SLC51A: variants seen among roughly 807,000 people sequenced by gnomAD.
The protein encoded by SLC51A is organic solute transporter subunit alpha.
SLC51A carries 22 observed loss-of-function variants against 34.8 expected under a neutral mutation model. The observed-to-expected ratio is 0.63, with a 90% CI of 0.45 to 0.90. SLC51A has a LOEUF of 0.90. Ranked by LOEUF, SLC51A falls within the 40% of genes least tolerant of loss-of-function variation. The probability of loss-of-function intolerance (pLI) is 0.00; values close to 1 mark genes in which losing one functional copy is unlikely to be tolerated. For missense variants in SLC51A, 371 were observed against 414.8 expected (o/e 0.89, Z 0.92); for synonymous variants, 181 against 176.3 (o/e 1.03, Z -0.21).
rs944590154 is a variant in SLC51A at position 196,230,018 on chromosome 3, A to G, written c.737A>G (p.His246Arg). Residue 246 changes from histidine (H) to arginine (R), a missense_variant, in exon 7 of 9, where the codon CAC becomes CGC. His to Arg is a conservative substitution (Grantham distance 29). Coordinates refer to ENST00000296327, the MANE Select transcript of SLC51A (RefSeq NM_152672.6). Reference sequence around the variant, plus strand: ...ATCATTTCCCGTCAAGCCAGGCTACACCTGGGTGAGCAGAACATGGGAGCC... The same window carrying G: ...ATCATTTCCCGTCAAGCCAGGCTACGCCTGGGTGAGCAGAACATGGGAGCC... ...LGIISRQARL[H>R]LGEQNMGAKF... The G allele has an allele frequency of 1.9e-6, 3 of 1,613,848 alleles. No individual in the cohort carries two copies. Among genetic ancestry groups the G allele is most frequent in the Non-Finnish European group, 2.5e-6 (3 of 1,179,846 alleles).
Position 196,216,620 on chromosome 3 carries a change from C to A in SLC51A, c.-93C>A. On this transcript the variant is annotated 5_prime_UTR_variant, in exon 1 of 9. Coordinates refer to ENST00000296327, the MANE Select transcript of SLC51A (RefSeq NM_152672.6). This position sits in a 1 kb window ranked among gnomAD's most constrained non-coding sequence, Gnocchi z 4.5. ...ATTCTGCTTGCCCCCCACCCCGGCC[C>A]AGGCAAGCCACCCTGCCCCCGGCCC... 1 of 1,339,410 alleles carries A rather than the reference C, an allele frequency of 7.5e-7. No homozygotes were observed. Among genetic ancestry groups the A allele is most frequent in the Non-Finnish European group, 1.0e-6 (1 of 959,772 alleles). The allele number at this position is 1,339,410 out of a possible 1,614,324, so 83.0% of individuals were successfully genotyped here. A position where few individuals can be genotyped will look rare whatever the true frequency, so the allele number is the denominator to read the frequency against.
intron 2 of SLC51A, among the ~76,000 whole-genome samples, chr3:196,222,336 AG>A (rs2108754087): frequency 6.6e-6 from 1 of 152,252 alleles, no homozygotes; most frequent in East Asian, 1.9e-4. Context: ...AGAGTTCTGT[AG>A]GAAGTTAAGT....
At chr3:196,221,378 C>T (rs1336758256) in intron 2 of SLC51A, among the ~76,000 whole-genome samples, 1 of 151,978 alleles carries the variant, frequency 6.6e-6, no homozygotes, top group Non-Finnish European at 1.5e-5. Flanking sequence ...GTGATCCTCC[C>T]ACCTCATCCT....
At chr3:196,224,240 A>C (rs1159995281) in intron 2 of SLC51A, among the ~76,000 whole-genome samples, 2 of 151,900 alleles carry the variant, frequency 1.3e-5, no homozygotes, top group African/African-American at 4.8e-5. Flanking sequence ...AGCATGATAC[A>C]AAATAAATTT....
intron 3 of SLC51A, 90 bp downstream of exon 3, chr3:196,227,209 G>A: frequency 7.0e-7 from 1 of 1,433,100 alleles, no homozygotes; most frequent in Non-Finnish European, 9.5e-7. Context: ...CGTCACTTCG[G>A]CAAAGAGTGT....
chr3:196,227,312 C>A, intron 3 of SLC51A, 193 bp downstream of exon 3: 1 of 627,686 alleles, frequency 1.6e-6, no homozygotes, highest in Non-Finnish European at 2.8e-6. Flanking sequence ...TGTTTGCATT[C>A]TAAGGGCTGC....
rs1577347088 is a variant in SLC51A at position 196,227,270 on chromosome 3, A to G, written c.288+151A>G. 4.1e-6 allele frequency: 3 copies of G among 735,118 alleles called. No homozygotes were observed. In the East Asian group the frequency reaches 8.1e-5, roughly 20 times the overall value. The allele number at this position is 735,118 out of a possible 1,614,324, so 45.5% of individuals were successfully genotyped here. ...GGTTTGCAGGCCGACCTCCCCTTGC[A>G]GTTAGGATCCTCTGCTTGGAAGGCT... On this transcript the variant is annotated intron_variant, in intron 3 of 8. Coordinates refer to ENST00000296327, the MANE Select transcript of SLC51A (RefSeq NM_152672.6).
chr3:196,217,764 G>C, intron 1 of SLC51A, 78 bp from the exon 2 acceptor site: 1 of 1,154,360 alleles, frequency 8.7e-7, no homozygotes, highest in South Asian at 1.3e-5. Context: ...GCACTCAGGA[G>C]TGGTTGAGGG....
At position 196,228,597 on chromosome 3, in the gene SLC51A, A is replaced by T; in HGVS notation, c.522-212A>T. On this transcript the variant is annotated intron_variant, in intron 5 of 8. Transcript: ENST00000296327. This position sits in a 1 kb window ranked among gnomAD's most constrained non-coding sequence, Gnocchi z 4.9. Reference sequence around the variant, plus strand: ...GTCACACTCCCAGACCTCGCTCCAAAGACGGAATTCTTGTCTGGAGGTGAG... The same window carrying T: ...GTCACACTCCCAGACCTCGCTCCAATGACGGAATTCTTGTCTGGAGGTGAG... 1 of 610,574 alleles carries T rather than the reference A, an allele frequency of 1.6e-6. No individual in the cohort carries two copies. The highest frequency in any genetic ancestry group is 2.9e-6 in the Non-Finnish European group (1 of 344,570). The allele number at this position is 610,574 out of a possible 1,614,324, so 37.8% of individuals were successfully genotyped here.
chr3:196,217,660 G>A (rs13064065), intron 1 of SLC51A, among the ~76,000 whole-genome samples, 182 bp from the exon 2 acceptor site: 46,636 of 150,660 alleles, frequency 0.31, 7,711 homozygotes, highest in East Asian at 0.47. Context: ...GAAGGGGAAG[G>A]GAGAGAGAAA....
In SLC51A at chr3:196,216,749, A is replaced by G; in HGVS notation, c.37A>G (p.Arg13Gly). Residue 13 changes from arginine (R) to glycine (G), a missense_variant and splice_region_variant, in exon 1 of 9, where the codon AGG (arginine) becomes GGG (glycine). Arg to Gly is a moderately radical substitution (Grantham distance 125, BLOSUM62 -2). Transcript: ENST00000296327. The surrounding 1 kb of genome is among the most constrained non-coding windows in gnomAD (Gnocchi z 4.5). The stretch of plus-strand genomic sequence containing the variant: ...CAGGACCCAGATAAAGCTTGACCCC[A>G]GGTAAGTGAGGGCGGCGGGCCCTGG... ...PGRTQIKLDPRYTADLLEVLK... is the reference protein window; with the variant it reads ...PGRTQIKLDPGYTADLLEVLK... The G allele has an allele frequency of 6.3e-7, 1 of 1,575,496 alleles. No individual in the cohort carries two copies. Among genetic ancestry groups the G allele is most frequent in the Non-Finnish European group, 8.6e-7 (1 of 1,160,374 alleles).
In SLC51A at chr3:196,216,925, G is replaced by A. The variant is rs1723597639; in HGVS notation, c.38+175G>A. ...GGACAACGTGGGTTTGGGCCAGGGT[G>A]TGACACTCCAGGGCCTCGGCCTTGC... On this transcript the variant is annotated intron_variant, in intron 1 of 8. Coordinates refer to ENST00000296327, the MANE Select transcript of SLC51A (RefSeq NM_152672.6). This position sits in a 1 kb window ranked among gnomAD's most constrained non-coding sequence, Gnocchi z 4.5. Among the ~76,000 whole-genome samples, 1 of 152,222 alleles carries A rather than the reference G, an allele frequency of 6.6e-6. No homozygotes were observed. Among genetic ancestry groups the A allele is most frequent in the African/African-American group, 2.4e-5 (1 of 41,452 alleles).
In SLC51A at chr3:196,216,640, C is replaced by G; in HGVS notation, c.-73C>G. 5 of 1,493,796 alleles carry G rather than the reference C, an allele frequency of 3.3e-6. No homozygotes were observed. Among genetic ancestry groups the G allele is most frequent in the Non-Finnish European group, 4.6e-6 (5 of 1,098,480 alleles). The allele number at this position is 1,493,796 out of a possible 1,614,324, so 92.5% of individuals were successfully genotyped here. A position where few individuals can be genotyped will look rare whatever the true frequency, so the allele number is the denominator to read the frequency against. ...CGGCCCAGGCAAGCCACCCTGCCCCCGGCCCCCACCTGCCCGCCCCGCCTG... is the reference window on the plus strand; with the variant it reads ...CGGCCCAGGCAAGCCACCCTGCCCCGGGCCCCCACCTGCCCGCCCCGCCTG... On this transcript the variant is annotated 5_prime_UTR_variant, in exon 1 of 9. Transcript: ENST00000296327. This position sits in a 1 kb window ranked among gnomAD's most constrained non-coding sequence, Gnocchi z 4.5.
chr3:196,225,857 G>A (rs555766943), intron 2 of SLC51A: 3 of 152,236 alleles, frequency 2.0e-5, no homozygotes, highest in Non-Finnish European at 4.4e-5. Flanking sequence ...GCACATGTCT[G>A]AACGTAGGGC....
chr3:196,223,875 T>C (rs1331167734), intron 2 of SLC51A: 2 of 373,318 alleles, frequency 5.4e-6, no homozygotes, highest in African/African-American at 2.5e-5. Context: ...TTTTTTTTTT[T>C]TTCAGACAGA....
rs113506943 is a variant in SLC51A at position 196,216,807 on chromosome 3, G to T, written c.38+57G>T. On this transcript the variant is annotated intron_variant, in intron 1 of 8. Coordinates refer to ENST00000296327, the MANE Select transcript of SLC51A (RefSeq NM_152672.6). This position sits in a 1 kb window ranked among gnomAD's most constrained non-coding sequence, Gnocchi z 4.5. Reference sequence around the variant, plus strand: ...GCTGGGCAGCGGTGGCCCCTATCCCGCGGCCTGTCCTCTCTCCCTCCCAGA... The same window carrying T: ...GCTGGGCAGCGGTGGCCCCTATCCCTCGGCCTGTCCTCTCTCCCTCCCAGA... 4 of 1,517,126 alleles carry T rather than the reference G, an allele frequency of 2.6e-6. No homozygotes were observed. Among genetic ancestry groups the T allele is most frequent in the African/African-American group, 1.4e-5 (1 of 72,362 alleles). The allele number at this position is 1,517,126 out of a possible 1,614,324, so 94.0% of individuals were successfully genotyped here. A position where few individuals can be genotyped will look rare whatever the true frequency, so the allele number is the denominator to read the frequency against.
At position 196,228,924 on chromosome 3, in the gene SLC51A, A is replaced by T. The variant is rs1368920658; in HGVS notation, c.633+4A>T. 6 of 1,608,422 alleles carry T rather than the reference A, an allele frequency of 3.7e-6. No homozygotes were observed. The East Asian group carries it at 1.3e-4, about 36-fold the overall frequency. On this transcript the variant is annotated splice_donor_region_variant and intron_variant, in intron 6 of 8. Coordinates refer to ENST00000296327, the MANE Select transcript of SLC51A (RefSeq NM_152672.6). The surrounding 1 kb of genome is among the most constrained non-coding windows in gnomAD (Gnocchi z 4.9). ...CGGCATCTATGACCCAGCAGACGTA[A>T]GCCGGGAGTAAGGGACAGCACAGTC... is the stretch of plus-strand genomic sequence containing the variant.
At position 196,216,612 on chromosome 3, in the gene SLC51A, C is replaced by G; in HGVS notation, c.-101C>G. 8.2e-7 allele frequency: 1 copy of G among 1,213,206 alleles called. No homozygotes were observed. The highest frequency in any genetic ancestry group is 1.2e-6 in the Non-Finnish European group (1 of 846,384). 75.2% of individuals were successfully genotyped at this position (1,213,206 alleles called of 1,614,324 possible). A position where few individuals can be genotyped will look rare whatever the true frequency, so the allele number is the denominator to read the frequency against. ...ACTCTGCAATTCTGCTTGCCCCCCA[C>G]CCCGGCCCAGGCAAGCCACCCTGCC... On this transcript the variant is annotated 5_prime_UTR_variant, in exon 1 of 9. Coordinates refer to ENST00000296327, the MANE Select transcript of SLC51A (RefSeq NM_152672.6). The surrounding 1 kb of genome is among the most constrained non-coding windows in gnomAD (Gnocchi z 4.5).
rs200310192 is a variant in SLC51A at position 196,228,168 on chromosome 3, G to A, written c.416G>A (p.Gly139Glu). 1 of 1,614,136 alleles carries A rather than the reference G, an allele frequency of 6.2e-7. No individual in the cohort carries two copies. The highest frequency in any genetic ancestry group is 2.2e-5 in the East Asian group (1 of 44,878). ...LLMLVMVEGF[G>E]GKEAVLRTLR... Reference sequence around the variant, plus strand: ...ATGCTGGTCATGGTGGAAGGCTTTGGGGGGAAGGAGGCAGTGCTGAGGACG... The same window carrying A: ...ATGCTGGTCATGGTGGAAGGCTTTGAGGGGAAGGAGGCAGTGCTGAGGACG... The change falls in exon 5 of 9, where the codon GGG (glycine) becomes GAG (glutamate). Residue 139 changes from glycine (G) to glutamate (E), a missense_variant. Coordinates refer to ENST00000296327, the MANE Select transcript of SLC51A (RefSeq NM_152672.6). This position sits in a 1 kb window ranked among gnomAD's most constrained non-coding sequence, Gnocchi z 4.9.
Sources: allele counts gnomAD v4.1 joint callset (sites outside exome capture counted in the v4.1 genomes callset), GRCh38; gene constraint gnomAD v4.1.1; non-coding constraint Gnocchi (gnomAD v3.1); transcripts MANE v1.5; gene names NCBI Gene and HGNC (gene_info 2026-07-23, HGNC 2026-07-21).